Variants in RPA1 observed in about 807,000 individuals in gnomAD.
The protein encoded by RPA1 is replication protein A 70 kDa DNA-binding subunit.
Under a neutral mutation model 83.0 loss-of-function variants are expected in RPA1, and 49 were observed. That is an observed-to-expected ratio of 0.59 (90% CI 0.47 to 0.75). The LOEUF is 0.75. RPA1 is among the 30% of genes least tolerant of loss of function. The pLI is 0.00. For missense variants in RPA1, 693 were observed against 776.1 expected (o/e 0.89, Z 1.27); for synonymous variants, 279 against 281.8 (o/e 0.99, Z 0.10).
chr17:1,843,762 T>C (rs1179112401), intron 2 of RPA1, among the ~76,000 whole-genome samples, 158 bp from the exon 3 acceptor site: 2 of 152,020 alleles, frequency 1.3e-5, no homozygotes, highest in African/African-American at 2.4e-5. Context: ...GGGAAAATCA[T>C]CAAATCCAGT....
Position 1,897,491 on chromosome 17 carries a change from C to G in RPA1, c.*316C>G. Reference sequence around the variant, plus strand: ...AGGAATTATGTCGTAAGTCACTGACCCTAACTGCAGACCATGAAGTAAATT... The same window carrying G: ...AGGAATTATGTCGTAAGTCACTGACGCTAACTGCAGACCATGAAGTAAATT... On this transcript the variant is annotated 3_prime_UTR_variant, in exon 17 of 17. Transcript: ENST00000254719. 1 of 241,616 alleles carries G rather than the reference C, an allele frequency of 4.1e-6. No individual in the cohort carries two copies. Among genetic ancestry groups the G allele is most frequent in the Non-Finnish European group, 8.1e-6 (1 of 124,040 alleles). 15.0% of individuals were successfully genotyped at this position (241,616 alleles called of 1,614,324 possible).
chr17:1,832,091 C>T (rs968546593), intron 1 of RPA1, among the ~76,000 whole-genome samples: 1 of 151,574 alleles, frequency 6.6e-6, no homozygotes, highest in Non-Finnish European at 1.5e-5. Context: ...ACCACACCTG[C>T]GTAATTTTTT....
intron 14 of RPA1, among the ~76,000 whole-genome samples, chr17:1,891,228 T>C (rs1387381038): frequency 1.3e-5 from 2 of 152,218 alleles, no homozygotes; most frequent in African/African-American, 4.8e-5. Flanking sequence ...TGGGAGACAT[T>C]TGATTGCTCA....
intron 15 of RPA1, among the ~76,000 whole-genome samples, chr17:1,892,663 G>C (rs576917880): frequency 6.6e-6 from 1 of 152,130 alleles, no homozygotes; most frequent in South Asian, 2.1e-4. Context: ...TAAAATGCAC[G>C]TATGTCAAGT....
intron 5 of RPA1, among the ~76,000 whole-genome samples, chr17:1,868,353 A>G (rs1372144371): frequency 6.6e-6 from 1 of 152,242 alleles, no homozygotes; most frequent in Non-Finnish European, 1.5e-5. Flanking sequence ...ACTCTGTGCT[A>G]GCGGGTGGAG....
intron 13 of RPA1, among the ~76,000 whole-genome samples, chr17:1,885,267 A>C (rs1913949343): frequency 6.6e-6 from 1 of 152,132 alleles, no homozygotes; most frequent in African/African-American, 2.4e-5. Context: ...TATCCGTTCA[A>C]GTTTGATCGT....
intron 2 of RPA1, among the ~76,000 whole-genome samples, chr17:1,843,085 C>T (rs1157977514): frequency 6.6e-6 from 1 of 151,908 alleles, no homozygotes; most frequent in Non-Finnish European, 1.5e-5. Context: ...GAAGGCTTTG[C>T]CTCTCTCTTC....
intron 4 of RPA1, among the ~76,000 whole-genome samples, chr17:1,850,027 C>T (rs1912425752): frequency 1.3e-5 from 2 of 151,492 alleles, no homozygotes; most frequent in South Asian, 4.2e-4. Context: ...CAAAAATTAG[C>T]CAGGCGTGGT....
intron 1 of RPA1, among the ~76,000 whole-genome samples, chr17:1,841,113 C>G (rs1912031955): frequency 6.6e-6 from 1 of 152,038 alleles, no homozygotes; most frequent in South Asian, 2.1e-4. Context: ...GTTTAAGTGG[C>G]ATTTTTGAAA....
At chr17:1,840,128 AAC>A (rs1009778635) in intron 1 of RPA1, among the ~76,000 whole-genome samples, 16 of 151,742 alleles carry the variant, frequency 1.1e-4, no homozygotes, top group African/African-American at 3.9e-4. Context: ...AGAAAATGAA[AAC>A]AGACGTTTGT....
rs764134040 is a variant in RPA1, at chr17:1,843,951, C to T, written c.116C>T (p.Pro39Leu). Residue 39 changes from proline to leucine, a missense_variant, in exon 3 of 17, where the codon CCG becomes CTG. Pro to Leu is a moderately conservative substitution (Grantham distance 98, BLOSUM62 -3). Coordinates refer to ENST00000254719, the MANE Select transcript of RPA1 (RefSeq NM_002945.5). The stretch of plus-strand genomic sequence containing the variant: ...CGTCCCATTACTACGGGGAATAGTC[C>T]GCCGCGTTATCGACTGCTCATGAGT... Reference protein sequence around the residue: ...NIRPITTGNSPPRYRLLMSDG... With the variant: ...NIRPITTGNSLPRYRLLMSDG... 9.9e-6 allele frequency: 16 copies of T among 1,613,718 alleles called. No individual in the cohort carries two copies. In the East Asian group the frequency reaches 1.1e-4, roughly 11 times the overall value.
intron 5 of RPA1, chr17:1,858,403 C>G: frequency 1.9e-6 from 3 of 1,588,766 alleles, no homozygotes; most frequent in South Asian, 1.1e-5. Flanking sequence ...AAAGTGGGCT[C>G]GGAGGCAATG....
intron 5 of RPA1, among the ~76,000 whole-genome samples, chr17:1,858,904 A>AT (rs1258736709): frequency 0.024 from 1,936 of 79,100 alleles, 26 homozygotes; most frequent in Non-Finnish European, 0.034. Context: ...TTTTTATTTT[A>AT]TTTTTTTTTT....
chr17:1,842,785 C>T lies in RPA1; in HGVS notation c.34-18C>T, dbSNP rs991126005. The T allele has an allele frequency of 3.7e-6, 6 of 1,612,966 alleles. No homozygotes were observed. The Admixed American group carries it at 6.7e-5, about 18-fold the overall frequency. On this transcript the variant is annotated intron_variant, in intron 1 of 16. Transcript: ENST00000254719. The stretch of plus-strand genomic sequence containing the variant: ...ATTTGAGTGCGTATCTCACACAAAC[C>T]TGTTTTTACTCCCTCAGGCCATCAT...
intron 5 of RPA1, among the ~76,000 whole-genome samples, chr17:1,868,238 G>A (rs1193995880): frequency 6.6e-6 from 1 of 152,208 alleles, no homozygotes; most frequent in African/African-American, 2.4e-5. Flanking sequence ...GAATTTCGTT[G>A]TAACCAGATC....
intron 5 of RPA1, among the ~76,000 whole-genome samples, chr17:1,862,736 T>A: frequency 7.5e-6 from 1 of 132,984 alleles, no homozygotes. Context: ...TTTTTTTTTT[T>A]TTTGAGATGA....
intron 1 of RPA1, among the ~76,000 whole-genome samples, chr17:1,831,850 C>T (rs916063756): frequency 1.5e-4 from 22 of 149,746 alleles, no homozygotes; most frequent in Admixed American, 1.1e-3. Flanking sequence ...TCGCCCGCCT[C>T]GGCCTCCCAA....
chr17:1,888,628 G>C, intron 13 of RPA1, 47 bp from the exon 14 acceptor site: 1 of 1,570,372 alleles, frequency 6.4e-7, no homozygotes, highest in South Asian at 1.2e-5. Context: ...GTCCGATCCT[G>C]GGCGGGCTCG....
At chr17:1,850,600 T>TA (rs936475112) in intron 4 of RPA1, among the ~76,000 whole-genome samples, 7 of 145,226 alleles carry the variant, frequency 4.8e-5, no homozygotes, top group South Asian at 2.2e-4. Context: ...AATCCTGCCT[T>TA]AAAAAAAAAT....
Sources: allele counts gnomAD v4.1 joint callset (sites outside exome capture counted in the v4.1 genomes callset), GRCh38; gene constraint gnomAD v4.1.1; transcripts MANE v1.5; gene names NCBI Gene and HGNC (gene_info 2026-07-23, HGNC 2026-07-21).